NAALADL2: variants seen among roughly 807,000 people sequenced by gnomAD.
NAALADL2 encodes the protein N-acetylated alpha-linked acidic dipeptidase like 2.
NAALADL2 carries 76 observed loss-of-function variants against 87.2 expected under a neutral mutation model. The observed-to-expected ratio is 0.87, with a 90% CI of 0.72 to 1.05. The LOEUF is 1.05. Ranked by LOEUF, NAALADL2 falls within the 50% of genes least tolerant of loss-of-function variation. The probability of loss-of-function intolerance (pLI) is 0.00; values close to 1 mark genes in which losing one functional copy is unlikely to be tolerated. For synonymous variants in NAALADL2, 354 were observed against 331.0 expected (o/e 1.07, Z -0.75); for missense variants, 1,089 against 945.8 (o/e 1.15, Z -1.99).
intron 2 of NAALADL2, among the ~76,000 whole-genome samples, chr3:174,661,623 TG>T (rs1179679570): frequency 6.6e-6 from 1 of 152,276 alleles, no homozygotes; most frequent in East Asian, 1.9e-4. Context: ...TTTTGTTACC[TG>T]GGTATGTTGT....
chr3:175,739,504 A>G (rs1042425498), intron 12 of NAALADL2, among the ~76,000 whole-genome samples: 1 of 152,216 alleles, frequency 6.6e-6, no homozygotes, highest in African/African-American at 2.4e-5. Flanking sequence ...TAGATTATTA[A>G]TCTGGTTGGT....
intron 4 of NAALADL2, among the ~76,000 whole-genome samples, chr3:175,269,788 A>G (rs1470091115): frequency 6.6e-6 from 1 of 152,134 alleles, no homozygotes; most frequent in Non-Finnish European, 1.5e-5. Flanking sequence ...CAGTTTGTTT[A>G]TTTATTTGTG....
At chr3:175,414,229 T>A (rs1463659842) in intron 5 of NAALADL2, among the ~76,000 whole-genome samples, 1 of 152,228 alleles carries the variant, frequency 6.6e-6, no homozygotes, top group African/African-American at 2.4e-5. Flanking sequence ...AGATTTTATT[T>A]GTGTTTCTTT....
intron 1 of NAALADL2, among the ~76,000 whole-genome samples, chr3:175,012,272 C>T: frequency 6.6e-6 from 1 of 152,174 alleles, no homozygotes; most frequent in Non-Finnish European, 1.5e-5. Context: ...TCAAGGGATT[C>T]TCCTGCCTCA....
At chr3:174,681,073 G>C (rs1473779826) in intron 2 of NAALADL2, among the ~76,000 whole-genome samples, 1 of 152,126 alleles carries the variant, frequency 6.6e-6, no homozygotes, top group Non-Finnish European at 1.5e-5. Context: ...TGGGAACCCA[G>C]TAGTGCCCTG....
intron 5 of NAALADL2, among the ~76,000 whole-genome samples, chr3:175,349,207 TA>T (rs577690261): frequency 2.0e-3 from 278 of 136,000 alleles, no homozygotes; most frequent in East Asian, 7.8e-3. Context: ...CAACTGCTAT[TA>T]AAAAAAAAAA....
chr3:174,902,343 A>G (rs1560343624), intron 1 of NAALADL2, among the ~76,000 whole-genome samples: 1 of 152,170 alleles, frequency 6.6e-6, no homozygotes, highest in Non-Finnish European at 1.5e-5. Context: ...GTTAGAAATA[A>G]TGTATGTAAA....
chr3:175,300,501 C>G (rs1328236448), intron 4 of NAALADL2, among the ~76,000 whole-genome samples: 3 of 152,002 alleles, frequency 2.0e-5, no homozygotes, highest in Non-Finnish European at 4.4e-5. Context: ...CAACTTCTTC[C>G]TGGTTTAGTC....
At chr3:175,239,661 A>G (rs1746496949) in intron 3 of NAALADL2, among the ~76,000 whole-genome samples, 1 of 152,208 alleles carries the variant, frequency 6.6e-6, no homozygotes, top group Non-Finnish European at 1.5e-5. Context: ...CTTATTTTCA[A>G]AAACTCACTA....
intron 13 of NAALADL2, among the ~76,000 whole-genome samples, chr3:175,797,666 A>C (rs76146003): frequency 0.039 from 5,979 of 152,124 alleles, 399 homozygotes; most frequent in African/African-American, 0.14. Flanking sequence ...TGGGTCTATA[A>C]TGGAGGAGGG....
At chr3:175,703,901 T>C (rs1016789835) in intron 11 of NAALADL2, among the ~76,000 whole-genome samples, 3 of 152,176 alleles carry the variant, frequency 2.0e-5, no homozygotes, top group South Asian at 2.1e-4. Flanking sequence ...TTGACTATTA[T>C]GACAGGGGTT....
intron 3 of NAALADL2, among the ~76,000 whole-genome samples, chr3:175,250,787 A>G (rs911114122): frequency 1.3e-5 from 2 of 152,210 alleles, no homozygotes; most frequent in African/African-American, 4.8e-5. Context: ...AGGATATTAT[A>G]TGCAATGTTC....
In NAALADL2 at chr3:175,256,518, A is replaced by G; in HGVS notation, c.927A>G (p.Pro309=). 6.2e-7 allele frequency: 1 copy of G among 1,612,170 alleles called. No homozygotes were observed. The highest frequency in any genetic ancestry group is 8.5e-7 in the Non-Finnish European group (1 of 1,179,220). The change falls in exon 4 of 14, where the codon CCA becomes CCG. Residue 309 remains proline, a synonymous_variant. Transcript: ENST00000454872. ...QIALLKLGKL[P]LLYKLSSLEK... ...CACTCCTGAAATTAGGAAAATTGCC[A>G]CTGCTTTATAAGGTTGGTCCAGTGA...
intron 11 of NAALADL2, among the ~76,000 whole-genome samples, chr3:175,709,119 C>T (rs1038649781): frequency 6.6e-6 from 1 of 152,000 alleles, no homozygotes; most frequent in Non-Finnish European, 1.5e-5. Flanking sequence ...CAGGGGCCAT[C>T]GTACCTCATG....
chr3:174,446,621 G>A (rs892617300), intron 1 of NAALADL2, among the ~76,000 whole-genome samples: 1 of 151,958 alleles, frequency 6.6e-6, no homozygotes, highest in Admixed American at 6.6e-5. Flanking sequence ...GTTTAATATG[G>A]TACTCAGTAA....
At chr3:175,300,755 TTTTATTTATTTATTTA>T (rs548300066) in intron 4 of NAALADL2, among the ~76,000 whole-genome samples, 2 of 146,360 alleles carry the variant, frequency 1.4e-5, no homozygotes, top group African/African-American at 5.0e-5. Flanking sequence ...ATTTATTTAT[TTTTATTTATTTATTTA>T]TTTATTTATT....
intron 3 of NAALADL2, among the ~76,000 whole-genome samples, chr3:175,248,725 C>T (rs917255763): frequency 1.3e-5 from 2 of 152,122 alleles, no homozygotes; most frequent in Non-Finnish European, 2.9e-5. Flanking sequence ...GAAGGCGTCC[C>T]TATGTGTTCT....
chr3:174,907,025 C>A (rs942761884), intron 1 of NAALADL2, among the ~76,000 whole-genome samples: 1 of 152,028 alleles, frequency 6.6e-6, no homozygotes, highest in Non-Finnish European at 1.5e-5. Context: ...TCACAGATAA[C>A]TCATAACTCT....
intron 2 of NAALADL2, among the ~76,000 whole-genome samples, chr3:174,562,305 G>T (rs1713717901): frequency 6.6e-6 from 1 of 152,202 alleles, no homozygotes; most frequent in Admixed American, 6.5e-5. Context: ...GATTGTGAAA[G>T]AAAATGTTAA....
Sources: allele counts gnomAD v4.1 joint callset (sites outside exome capture counted in the v4.1 genomes callset), GRCh38; gene constraint gnomAD v4.1.1; transcripts MANE v1.5; gene names NCBI Gene and HGNC (gene_info 2026-07-23, HGNC 2026-07-21).